Variants in CCDC85A observed in about 807,000 individuals in gnomAD.
CCDC85A encodes the protein coiled-coil domain containing 85A, also known as coiled-coil domain-containing protein 85A.
A neutral mutation model predicts 50.2 loss-of-function variants in CCDC85A; 38 were observed. That is an observed-to-expected ratio of 0.76 (90% confidence interval 0.58 to 0.99). CCDC85A has a LOEUF of 0.99. Among genes scored for constraint, CCDC85A ranks in the 50% least tolerant of loss-of-function variants. The pLI, the probability that CCDC85A is intolerant of heterozygous loss-of-function variation, is 0.00. For missense variants in CCDC85A, 820 were observed against 742.0 expected (o/e 1.11, Z -1.22); for synonymous variants, 366 against 301.4 (o/e 1.21, Z -2.22).
rs1355610725 is a variant in CCDC85A, at chr2:56,385,663, T to A, written c.*1308T>A. The A allele has an allele frequency of 6.6e-6, 1 of 152,096 alleles. No individual in the cohort carries two copies. The highest frequency in any genetic ancestry group is 6.6e-5 in the Admixed American group (1 of 15,190). 9.4% of individuals were successfully genotyped at this position (152,096 alleles called of 1,614,324 possible). A position where few individuals can be genotyped will look rare whatever the true frequency, so the allele number is the denominator to read the frequency against. On this transcript the variant is annotated 3_prime_UTR_variant, in exon 6 of 6. Transcript: ENST00000407595. Reference sequence around the variant, plus strand: ...CTGAGATTTGATTCATGGCAGATATTCTCTGTTGTTGTTGTTTTAGATGGG... The same window carrying A: ...CTGAGATTTGATTCATGGCAGATATACTCTGTTGTTGTTGTTTTAGATGGG...
chr2:56,375,747 A>G, intron 4 of CCDC85A, 69 bp from the exon 5 acceptor site: 2 of 1,504,542 alleles, frequency 1.3e-6, no homozygotes, highest in South Asian at 2.4e-5. Flanking sequence ...GAAATTGAAT[A>G]TTGAATGACA....
chr2:56,321,769 C>T (rs1298825017), intron 2 of CCDC85A, among the ~76,000 whole-genome samples: 2 of 152,154 alleles, frequency 1.3e-5, no homozygotes, highest in African/African-American at 4.8e-5. Context: ...CAATGACTTT[C>T]TTCACAGAAT....
At chr2:56,189,744 C>G (rs1330447603) in intron 1 of CCDC85A, among the ~76,000 whole-genome samples, 2 of 152,154 alleles carry the variant, frequency 1.3e-5, no homozygotes, top group African/African-American at 4.8e-5. Context: ...CCTTCCTACC[C>G]CACTAAGAGC....
intron 3 of CCDC85A, among the ~76,000 whole-genome samples, chr2:56,348,007 A>G (rs1181308198): frequency 6.6e-6 from 1 of 152,188 alleles, no homozygotes. Flanking sequence ...CCTTTAAGAC[A>G]TCAGTTACTA....
intron 2 of CCDC85A, among the ~76,000 whole-genome samples, chr2:56,271,356 AG>A (rs1403131656): frequency 6.6e-6 from 1 of 152,096 alleles, no homozygotes; most frequent in Non-Finnish European, 1.5e-5. Context: ...TATAGTGAAG[AG>A]GGGCAAACAA....
chr2:56,325,226 T>C (rs1673404989), intron 2 of CCDC85A, among the ~76,000 whole-genome samples: 1 of 152,086 alleles, frequency 6.6e-6, no homozygotes, highest in South Asian at 2.1e-4. Context: ...TAAAATTTCC[T>C]TTTGGTCATT....
intron 2 of CCDC85A, among the ~76,000 whole-genome samples, chr2:56,275,225 G>A (rs1431778356): frequency 1.3e-5 from 2 of 151,858 alleles, no homozygotes; most frequent in Non-Finnish European, 1.5e-5. Flanking sequence ...TAGGCCTGCT[G>A]GCCTTGAATG....
At chr2:56,298,047 C>A (rs1385941579) in intron 2 of CCDC85A, among the ~76,000 whole-genome samples, 1 of 152,140 alleles carries the variant, frequency 6.6e-6, no homozygotes, top group Non-Finnish European at 1.5e-5. Flanking sequence ...TAAGGTCATG[C>A]CCCAGGCATC....
chr2:56,218,383 A>G (rs1668178408), intron 2 of CCDC85A, among the ~76,000 whole-genome samples: 1 of 151,880 alleles, frequency 6.6e-6, no homozygotes, highest in Admixed American at 6.6e-5. Context: ...GTAGCAAATT[A>G]GAAAAAACGC....
intron 3 of CCDC85A, among the ~76,000 whole-genome samples, chr2:56,365,481 A>G (rs1437435580): frequency 3.3e-5 from 5 of 152,116 alleles, no homozygotes; most frequent in African/African-American, 1.2e-4. Context: ...GACCCTCCCT[A>G]GGATCATCTG....
intron 2 of CCDC85A, among the ~76,000 whole-genome samples, chr2:56,227,670 C>G (rs1338029154): frequency 6.6e-6 from 1 of 151,952 alleles, no homozygotes; most frequent in African/African-American, 2.4e-5. Flanking sequence ...CTCCAGGAAG[C>G]CTTCCTGGAA....
intron 3 of CCDC85A, among the ~76,000 whole-genome samples, chr2:56,347,808 A>T (rs1045019260): frequency 4.6e-5 from 7 of 152,118 alleles, no homozygotes; most frequent in African/African-American, 1.7e-4. Flanking sequence ...AAATTCAAAA[A>T]CCTTGCTTAG....
At chr2:56,290,631 CA>C (rs1433169460) in intron 2 of CCDC85A, among the ~76,000 whole-genome samples, 1 of 152,006 alleles carries the variant, frequency 6.6e-6, no homozygotes, top group Non-Finnish European at 1.5e-5. Context: ...ATTATGTAAT[CA>C]AAACCCCTGG....
At chr2:56,362,524 C>G (rs1261717802) in intron 3 of CCDC85A, among the ~76,000 whole-genome samples, 1 of 151,602 alleles carries the variant, frequency 6.6e-6, no homozygotes, top group Admixed American at 6.6e-5. Context: ...CCTGGATACC[C>G]CAAGATTTAA....
intron 2 of CCDC85A, among the ~76,000 whole-genome samples, chr2:56,293,888 A>G (rs1671831164): frequency 6.6e-6 from 1 of 152,226 alleles, no homozygotes; most frequent in South Asian, 2.1e-4. Flanking sequence ...ATTGTGGAAG[A>G]GAGTGTGGCA....
chr2:56,304,780 G>A lies in CCDC85A; in HGVS notation c.1241-38099G>A, dbSNP rs143115885. Among the ~76,000 whole-genome samples the A allele has an allele frequency of 3.5e-4, 53 of 152,002 alleles. 2 individuals carry two copies. The East Asian group carries it at 7.3e-3, about 21-fold the overall frequency. On this transcript the variant is annotated intron_variant, in intron 2 of 5. Transcript: ENST00000407595. Reference sequence around the variant, plus strand: ...TGTATGGGATAAGGCTGGGCGCAGCGGCTCACACCTGCAATCCCAGCACTT... The same window carrying A: ...TGTATGGGATAAGGCTGGGCGCAGCAGCTCACACCTGCAATCCCAGCACTT...
intron 5 of CCDC85A, among the ~76,000 whole-genome samples, chr2:56,381,114 G>A (rs1676565190): frequency 1.3e-5 from 2 of 151,884 alleles, no homozygotes. Context: ...CCTGTGTTGT[G>A]GCTGATTTTT....
At chr2:56,320,614 C>G (rs1673132354) in intron 2 of CCDC85A, among the ~76,000 whole-genome samples, 1 of 152,196 alleles carries the variant, frequency 6.6e-6, no homozygotes, top group Middle Eastern at 3.4e-3. Context: ...CCTGAAGAGA[C>G]CAATAACAGG....
intron 3 of CCDC85A, among the ~76,000 whole-genome samples, chr2:56,368,399 T>G (rs925318135): frequency 1.3e-5 from 2 of 152,146 alleles, no homozygotes; most frequent in Non-Finnish European, 2.9e-5. Context: ...TAGGACAGTT[T>G]TACAATATGT....
Sources: allele counts gnomAD v4.1 joint callset (sites outside exome capture counted in the v4.1 genomes callset), GRCh38; gene constraint gnomAD v4.1.1; transcripts MANE v1.5; gene names NCBI Gene and HGNC (gene_info 2026-07-23, HGNC 2026-07-21).